Variants in LRCH2 observed in about 807,000 individuals in gnomAD.
LRCH2 encodes leucine rich repeats and calponin homology domain containing 2.
In LRCH2, 38 loss-of-function variants were observed where a neutral mutation model predicts 68.9. The ratio of observed to expected loss-of-function variants is 0.55; its 90% CI spans 0.43 to 0.72. LRCH2 has a LOEUF of 0.72. Ranked by LOEUF, LRCH2 falls within the 30% of genes least tolerant of loss-of-function variation. LRCH2 has a pLI of 0.00. For synonymous variants in LRCH2, 191 were observed against 208.1 expected (o/e 0.92, Z 0.71); for missense variants, 528 against 572.9 (o/e 0.92, Z 0.80).
intron 1 of LRCH2, among the ~76,000 whole-genome samples, chrX:115,206,215 T>G (rs997140679): frequency 8.9e-6 from 1 of 112,669 alleles, no homozygotes; most frequent in Admixed American, 9.4e-5. Context: ...TGATTTCATG[T>G]ATTTATTTAG....
intron 16 of LRCH2, among the ~76,000 whole-genome samples, chrX:115,125,736 T>TA (rs1452421378): frequency 9.8e-6 from 1 of 101,607 alleles, no homozygotes; most frequent in African/African-American, 3.6e-5. Flanking sequence ...ACACAGATCA[T>TA]AAAATCATAT....
rs185416850 is a variant in LRCH2 at position 115,218,898 on chromosome X, T to C, written c.349+14795A>G. Among the ~76,000 whole-genome samples the C allele has an allele frequency of 8.0e-5, 9 of 112,316 alleles. No individual in the cohort carries two copies. The Admixed American group carries it at 8.5e-4, about 11-fold the overall frequency. On this transcript the variant is annotated intron_variant, in intron 1 of 20. Coordinates refer to ENST00000317135, the MANE Select transcript of LRCH2 (RefSeq NM_020871.4). Reference sequence around the variant, plus strand: ...TTTGTGCATTTTGTCCAATTCTTTGTTCAAAACACCAAGAACCTGGACACC... The same window carrying C: ...TTTGTGCATTTTGTCCAATTCTTTGCTCAAAACACCAAGAACCTGGACACC...
chrX:115,176,025 T>C (rs1448903513), intron 5 of LRCH2, among the ~76,000 whole-genome samples: 1 of 111,863 alleles, frequency 8.9e-6, no homozygotes, highest in Non-Finnish European at 1.9e-5. Flanking sequence ...CAGAATTGAA[T>C]TGAATTATAG....
At chrX:115,130,245 A>C (rs782250032) in intron 14 of LRCH2, 46 bp from the exon 15 acceptor site, 19 of 689,776 alleles carry the variant, frequency 2.8e-5, no homozygotes. Context: ...TTGAACATAT[A>C]AATTCTCTAC....
intron 5 of LRCH2, among the ~76,000 whole-genome samples, chrX:115,173,829 G>A (rs1272851463): frequency 8.9e-6 from 1 of 111,836 alleles, no homozygotes; most frequent in Non-Finnish European, 1.9e-5. Flanking sequence ...CCTGTTCAAT[G>A]TGAAGACCAT....
intron 16 of LRCH2, among the ~76,000 whole-genome samples, 172 bp from the exon 17 acceptor site, chrX:115,124,174 T>C (rs2072166726): frequency 1.8e-5 from 2 of 111,925 alleles, no homozygotes; most frequent in African/African-American, 6.5e-5. Context: ...ATGTCACTTT[T>C]AAGAGGTCAA....
At chrX:115,132,265 G>A (rs1281004281) in intron 14 of LRCH2, among the ~76,000 whole-genome samples, 1 of 111,687 alleles carries the variant, frequency 9.0e-6, no homozygotes, top group Non-Finnish European at 1.9e-5. Flanking sequence ...TGTATAAGGT[G>A]TAAGGAAGAG....
chrX:115,123,747 G>A (rs1603021681), intron 17 of LRCH2, among the ~76,000 whole-genome samples, 198 bp downstream of exon 17: 1 of 111,247 alleles, frequency 9.0e-6, no homozygotes, highest in East Asian at 2.8e-4. Flanking sequence ...AAAAGCTGAG[G>A]TTTCAGGAGC....
chrX:115,113,098 C>T lies in LRCH2; in HGVS notation c.*118G>A. 1.5e-6 allele frequency: 1 copy of T among 657,031 alleles called. No individual in the cohort carries two copies. The highest frequency in any genetic ancestry group is 6.6e-5 in the South Asian group (1 of 15,106). The allele number at this position is 657,031 out of a possible 1,213,427, so 54.1% of individuals were successfully genotyped here. On this transcript the variant is annotated 3_prime_UTR_variant, in exon 21 of 21. Coordinates refer to ENST00000317135, the MANE Select transcript of LRCH2 (RefSeq NM_020871.4). Reference sequence around the variant, plus strand: ...TGTTTCAATGTAATTTTTTTAAAATCCTAAGGCGTGACCTAAGGCAAACTA... The same window carrying T: ...TGTTTCAATGTAATTTTTTTAAAATTCTAAGGCGTGACCTAAGGCAAACTA...
intron 20 of LRCH2, among the ~76,000 whole-genome samples, chrX:115,119,280 A>G (rs1357702427): frequency 9.2e-6 from 1 of 108,973 alleles, no homozygotes; most frequent in African/African-American, 3.4e-5. Flanking sequence ...CCATTGTCTC[A>G]GCCCAAAATC....
At chrX:115,162,304 A>G (rs782750801) in intron 11 of LRCH2, among the ~76,000 whole-genome samples, 1 of 111,922 alleles carries the variant, frequency 8.9e-6, no homozygotes, top group South Asian at 3.7e-4. Flanking sequence ...GGAGACAGAA[A>G]CTTTTTAAGC....
At chrX:115,159,479 C>T (rs1556540733) in intron 11 of LRCH2, among the ~76,000 whole-genome samples, 1 of 110,391 alleles carries the variant, frequency 9.1e-6, no homozygotes, top group African/African-American at 3.3e-5. Flanking sequence ...AGGCCCGGCG[C>T]GGTGGCTCAC....
chrX:115,197,847 T>TCTCTCACACA (rs782358260), intron 1 of LRCH2, among the ~76,000 whole-genome samples: 2 of 20,563 alleles, frequency 9.7e-5, no homozygotes, highest in African/African-American at 3.9e-4. Flanking sequence ...TCTCTCTCTC[T>TCTCTCACACA]CACACACACA....
chrX:115,159,527 G>A (rs886392867), intron 11 of LRCH2, among the ~76,000 whole-genome samples: 42 of 109,593 alleles, frequency 3.8e-4, no homozygotes, highest in Non-Finnish European at 7.4e-4. Flanking sequence ...CAAGGCAGGC[G>A]GATCACGACG....
chrX:115,126,709 AT>A (rs1221184293), intron 16 of LRCH2, 133 bp downstream of exon 16: 2 of 460,454 alleles, frequency 4.3e-6, no homozygotes, highest in African/African-American at 5.2e-5. Context: ...TCTGCCACGG[AT>A]TTTAAAATAT....
intron 1 of LRCH2, among the ~76,000 whole-genome samples, chrX:115,207,506 T>C (rs2147349694): frequency 8.9e-6 from 1 of 111,847 alleles, no homozygotes; most frequent in Admixed American, 9.5e-5. Flanking sequence ...GCCACTGCAC[T>C]CATGCCTGGG....
At chrX:115,144,554 C>A (rs2072365720) in intron 14 of LRCH2, among the ~76,000 whole-genome samples, 1 of 83,533 alleles carries the variant, frequency 1.2e-5, no homozygotes, top group Non-Finnish European at 2.1e-5. Context: ...TTGGAAAAAC[C>A]TAGACTCCAC....
At chrX:115,140,477 G>A (rs2072327062) in intron 14 of LRCH2, among the ~76,000 whole-genome samples, 1 of 111,451 alleles carries the variant, frequency 9.0e-6, no homozygotes. Flanking sequence ...GAGAAAAGCA[G>A]AGGGAAAAAC....
chrX:115,119,779 G>A (rs1315881601), intron 20 of LRCH2, among the ~76,000 whole-genome samples: 1 of 97,112 alleles, frequency 1.0e-5, no homozygotes, highest in Non-Finnish European at 2.1e-5. Context: ...ATACTACAAG[G>A]CTACAGTAAC....
Sources: gnomAD v4.1 joint callset for allele counts (sites outside exome capture counted in the v4.1 genomes callset) on GRCh38, gnomAD v4.1.1 for gene constraint, MANE v1.5 for transcripts, NCBI Gene and HGNC (gene_info 2026-07-23, HGNC 2026-07-21) for gene names.